Variants in ST18 observed in about 807,000 individuals in gnomAD.
The protein encoded by ST18 is ST18 C2H2C-type zinc finger transcription factor.
A neutral mutation model predicts 110.0 loss-of-function variants in ST18; 50 were observed. The observed-to-expected ratio is 0.45, with a 90% CI of 0.36 to 0.58. The LOEUF is 0.58. Among genes scored for constraint, ST18 ranks in the 20% least tolerant of loss-of-function variants. The pLI is 0.00. For missense variants in ST18, 1,306 were observed against 1,280.1 expected (o/e 1.02, Z -0.31); for synonymous variants, 461 against 452.4 (o/e 1.02, Z -0.24).
At chr8:52,225,315 C>T (rs1644833716) in intron 3 of ST18, among the ~76,000 whole-genome samples, 1 of 152,180 alleles carries the variant, frequency 6.6e-6, no homozygotes, top group Admixed American at 6.5e-5. Context: ...CCATTCATGA[C>T]TGATAATTCT....
rs949895058 is a variant in ST18 at position 52,112,561 on chromosome 8, G to A, written c.*637C>T. 11 of 152,542 alleles carry A rather than the reference G, an allele frequency of 7.2e-5. 1 individual carries two copies. Among genetic ancestry groups the A allele is most frequent in the Admixed American group, 2.6e-4 (4 of 15,270 alleles). The allele number at this position is 152,542 out of a possible 1,614,324, so 9.4% of individuals were successfully genotyped here. On this transcript the variant is annotated 3_prime_UTR_variant, in exon 26 of 26. Transcript: ENST00000689386. The stretch of plus-strand genomic sequence containing the variant: ...CAGCATCCTGTGCTTTTGTGAGTGC[G>A]GATTCCCCACTAGTGGGCGCCATTT...
intron 2 of ST18, among the ~76,000 whole-genome samples, chr8:52,251,921 T>C (rs1248264000): frequency 6.6e-6 from 1 of 152,068 alleles, no homozygotes; most frequent in Admixed American, 6.6e-5. Context: ...TTGCATTTCA[T>C]ATCAAACAAT....
intron 2 of ST18, among the ~76,000 whole-genome samples, chr8:52,336,496 C>CAT (rs1467886441): frequency 3.9e-5 from 6 of 152,132 alleles, no homozygotes; most frequent in African/African-American, 1.4e-4. Flanking sequence ...TTCACAGAGC[C>CAT]ATCTCAGGAG....
At chr8:52,400,346 T>A (rs1448106666) in intron 2 of ST18, among the ~76,000 whole-genome samples, 1 of 152,110 alleles carries the variant, frequency 6.6e-6, no homozygotes, top group Non-Finnish European at 1.5e-5. Flanking sequence ...GGATGTTGGG[T>A]TTTTATTCAT....
intron 8 of ST18, among the ~76,000 whole-genome samples, chr8:52,190,594 T>C (rs2074150989): frequency 6.6e-6 from 1 of 152,220 alleles, no homozygotes; most frequent in African/African-American, 2.4e-5. Context: ...GGTAAATGTG[T>C]TCTTTTCCAT....
intron 2 of ST18, among the ~76,000 whole-genome samples, chr8:52,377,966 G>C (rs1833047844): frequency 6.6e-6 from 1 of 152,120 alleles, no homozygotes; most frequent in Non-Finnish European, 1.5e-5. Flanking sequence ...TGGAACTAGA[G>C]GGCATTATAA....
chr8:52,136,742 C>T (rs2303461), intron 18 of ST18, 84 bp from the exon 19 acceptor site: 28 of 1,178,414 alleles, frequency 2.4e-5, no homozygotes, highest in South Asian at 1.3e-4. Flanking sequence ...CGTGAACATA[C>T]GTTAAATTAT....
chr8:52,275,715 C>T (rs1041629890), intron 2 of ST18, among the ~76,000 whole-genome samples: 2 of 152,046 alleles, frequency 1.3e-5, no homozygotes, highest in East Asian at 1.9e-4. Context: ...TTTGTGAAGC[C>T]GATAAAACCT....
At chr8:52,283,526 T>TA (rs995524841) in intron 2 of ST18, among the ~76,000 whole-genome samples, 30 of 151,906 alleles carry the variant, frequency 2.0e-4, no homozygotes, top group African/African-American at 7.0e-4. Context: ...AAAGCCCAGT[T>TA]AAAAAAAAGA....
intron 8 of ST18, among the ~76,000 whole-genome samples, chr8:52,210,285 G>A (rs1035585712): frequency 2.6e-5 from 4 of 152,190 alleles, no homozygotes; most frequent in African/African-American, 9.7e-5. Context: ...TAATTTAAAT[G>A]AGCAAGGTTA....
chr8:52,378,976 A>T (rs1448323302), intron 2 of ST18, among the ~76,000 whole-genome samples: 1 of 152,184 alleles, frequency 6.6e-6, no homozygotes, highest in Non-Finnish European at 1.5e-5. Context: ...CATGCTTTCA[A>T]TTGTCATAAT....
chr8:52,122,771 C>A (rs1389811637), intron 23 of ST18, among the ~76,000 whole-genome samples: 1 of 152,158 alleles, frequency 6.6e-6, no homozygotes, highest in Non-Finnish European at 1.5e-5. Flanking sequence ...AAGGCATGAG[C>A]CACCGTGCCC....
intron 2 of ST18, among the ~76,000 whole-genome samples, chr8:52,370,185 C>T (rs1355136361): frequency 6.6e-6 from 1 of 152,156 alleles, no homozygotes; most frequent in African/African-American, 2.4e-5. Context: ...AAGACCATTG[C>T]TATTCAGGGT....
intron 22 of ST18, among the ~76,000 whole-genome samples, chr8:52,130,022 G>T (rs540584488): frequency 4.0e-5 from 6 of 150,810 alleles, no homozygotes; most frequent in African/African-American, 1.5e-4. Context: ...CTCCAGCATG[G>T]GCGACAGAGT....
At chr8:52,224,995 T>C (rs1359016751) in intron 3 of ST18, among the ~76,000 whole-genome samples, 1 of 152,196 alleles carries the variant, frequency 6.6e-6, no homozygotes, top group Non-Finnish European at 1.5e-5. Context: ...CCCAGAAAAA[T>C]GCAATTTTTG....
intron 23 of ST18, among the ~76,000 whole-genome samples, chr8:52,125,086 C>A (rs1280300123): frequency 6.6e-6 from 1 of 152,092 alleles, no homozygotes; most frequent in African/African-American, 2.4e-5. Context: ...ACAACACAGG[C>A]CCCAGATAAT....
At chr8:52,239,779 C>T (rs149963996) in intron 2 of ST18, among the ~76,000 whole-genome samples, 1,595 of 152,086 alleles carry the variant, frequency 0.01, 19 homozygotes, top group African/African-American at 0.037. Flanking sequence ...GATGGGAGAA[C>T]GGTTTCCATT....
intron 2 of ST18, among the ~76,000 whole-genome samples, chr8:52,324,779 C>A (rs551131001): frequency 2.0e-4 from 30 of 152,114 alleles, no homozygotes; most frequent in African/African-American, 6.5e-4. Context: ...TATTCATTAC[C>A]TCATTTAATC....
chr8:52,188,370 T>G (rs930998599), intron 8 of ST18, among the ~76,000 whole-genome samples: 1 of 152,062 alleles, frequency 6.6e-6, no homozygotes, highest in Non-Finnish European at 1.5e-5. Flanking sequence ...GGCACAGGAT[T>G]GCAGGCAGCA....
Sources: allele counts gnomAD v4.1 joint callset (sites outside exome capture counted in the v4.1 genomes callset), GRCh38; gene constraint gnomAD v4.1.1; transcripts MANE v1.5; gene names NCBI Gene and HGNC (gene_info 2026-07-23, HGNC 2026-07-21).